VPS37A: variants seen among roughly 807,000 people sequenced by gnomAD.
VPS37A encodes the protein vacuolar protein sorting-associated protein 37A.
In VPS37A, 30 loss-of-function variants were observed where a neutral mutation model predicts 49.8. The ratio of observed to expected loss-of-function variants is 0.60; its 90% CI spans 0.45 to 0.82. VPS37A has a LOEUF of 0.82. Among genes scored for constraint, VPS37A ranks in the 40% least tolerant of loss-of-function variants. VPS37A has a pLI of 0.00. For synonymous variants in VPS37A, 195 were observed against 160.6 expected (o/e 1.21, Z -1.62); for missense variants, 593 against 464.4 (o/e 1.28, Z -2.55).
chr8:17,310,100 G>A, the VPS37A span, among the ~76,000 whole-genome samples: 77 of 152,062 alleles, frequency 5.1e-4, 1 homozygote, highest in East Asian at 8.9e-3. Context: ...TCCTGAGCTC[G>A]AGCGATCCTC....
intron 6 of VPS37A, 44 bp downstream of exon 6, chr8:17,276,511 GT>G: frequency 6.5e-7 from 1 of 1,548,138 alleles, no homozygotes. Context: ...TATTTTATTT[GT>G]AAGCATAAAC....
chr8:17,273,199 C>G (rs913297234), intron 4 of VPS37A, among the ~76,000 whole-genome samples: 2 of 151,882 alleles, frequency 1.3e-5, no homozygotes, highest in Non-Finnish European at 2.9e-5. Flanking sequence ...TTCATGTTTT[C>G]TAACCCTCCC....
the VPS37A span, among the ~76,000 whole-genome samples, chr8:17,311,319 C>T: frequency 7.4e-4 from 112 of 152,314 alleles, no homozygotes; most frequent in Non-Finnish European, 1.2e-3. Context: ...AGAAATTCAT[C>T]TCTTTATTCC....
chr8:17,261,992 G>T (rs1353245769), intron 1 of VPS37A, among the ~76,000 whole-genome samples: 1 of 152,134 alleles, frequency 6.6e-6, no homozygotes, highest in Non-Finnish European at 1.5e-5. Flanking sequence ...GCAGGGATGA[G>T]TCTCCTGCCA....
Position 17,247,513 on chromosome 8 carries a change from C to G in VPS37A, c.125+144C>G, listed in dbSNP as rs1811386433. On this transcript the variant is annotated intron_variant, in intron 1 of 11. Coordinates refer to ENST00000324849, the MANE Select transcript of VPS37A (RefSeq NM_152415.3). ...CTTGGTTGTGGGTCACACGCTTGCT[C>G]TGCCACTCCTGCCCCCTTTTACTGT... 1.7e-5 allele frequency: 19 copies of G among 1,095,294 alleles called. No individual in the cohort carries two copies. In the South Asian group the frequency reaches 2.8e-4, roughly 16 times the overall value. The allele number at this position is 1,095,294 out of a possible 1,614,324, so 67.8% of individuals were successfully genotyped here. A position where few individuals can be genotyped will look rare whatever the true frequency, so the allele number is the denominator to read the frequency against.
downstream of VPS37A, chr8:17,302,292 G>T (rs771383412): frequency 1.2e-6 from 2 of 1,611,850 alleles, no homozygotes; most frequent in South Asian, 1.1e-5. Context: ...TGGAAAGGAT[G>T]GCAAAGCGTC....
chr8:17,300,792 C>T (rs2150456804), downstream of VPS37A, among the ~76,000 whole-genome samples: 1 of 152,356 alleles, frequency 6.6e-6, no homozygotes, highest in Non-Finnish European at 1.5e-5. Context: ...CCCACAGCCC[C>T]TGGCTACTAC....
At chr8:17,322,606 G>T in the VPS37A span, among the ~76,000 whole-genome samples, 23 of 152,268 alleles carry the variant, frequency 1.5e-4, no homozygotes, top group Admixed American at 2.6e-4. Context: ...GATTGCTTGA[G>T]CCCAGGAGTT....
At chr8:17,274,223 C>T (rs1814283811) in intron 4 of VPS37A, among the ~76,000 whole-genome samples, 1 of 152,212 alleles carries the variant, frequency 6.6e-6, no homozygotes, top group Non-Finnish European at 1.5e-5. Context: ...ATATATGCAT[C>T]TGTTTTTAAT....
chr8:17,268,931 G>C lies in VPS37A; in HGVS notation c.391G>C (p.Ala131Pro). Residue 131 changes from alanine to proline, a missense_variant, in exon 4 of 12, where the codon GCT becomes CCT. By Grantham distance (27) the Ala-to-Pro change is conservative (BLOSUM62 -1). Coordinates refer to ENST00000324849, the MANE Select transcript of VPS37A (RefSeq NM_152415.3). ...GTTTTGGAAGAATCCTCCAGTTTTAGCTCCTACTTCAACAGCATTTCCTTA... is the reference window on the plus strand; with the variant it reads ...GTTTTGGAAGAATCCTCCAGTTTTACCTCCTACTTCAACAGCATTTCCTTA... Reference protein sequence around the residue: ...DEFWKNPPVLAPTSTAFPYLY... With the variant: ...DEFWKNPPVLPPTSTAFPYLY... 1 of 1,608,922 alleles carries C rather than the reference G, an allele frequency of 6.2e-7. No individual in the cohort carries two copies. The highest frequency in any genetic ancestry group is 8.5e-7 in the Non-Finnish European group (1 of 1,178,792).
chr8:17,300,612 T>A (rs1342976862), downstream of VPS37A, among the ~76,000 whole-genome samples: 2 of 152,226 alleles, frequency 1.3e-5, no homozygotes, highest in African/African-American at 4.8e-5. Flanking sequence ...TATACTGAGA[T>A]ACAATTCACT....
At position 17,297,280 on chromosome 8, in the gene VPS37A, A is replaced by T. The variant is rs570376631; in HGVS notation, c.*2294A>T. On this transcript the variant is annotated 3_prime_UTR_variant, in exon 12 of 12. Transcript: ENST00000324849. ...ATAGAAGAAAATTCTAAATCAATCAATCAGTGAGATATAAACTAAACAGAC... is the reference window on the plus strand; with the variant it reads ...ATAGAAGAAAATTCTAAATCAATCATTCAGTGAGATATAAACTAAACAGAC... The T allele has an allele frequency of 6.6e-6, 1 of 152,146 alleles. No individual in the cohort carries two copies. The highest frequency in any genetic ancestry group is 1.5e-5 in the Non-Finnish European group (1 of 67,986). The allele number at this position is 152,146 out of a possible 1,614,324, so 9.4% of individuals were successfully genotyped here. A position where few individuals can be genotyped will look rare whatever the true frequency, so the allele number is the denominator to read the frequency against.
intron 4 of VPS37A, chr8:17,272,136 TC>T (rs1387478748): frequency 4.4e-6 from 2 of 455,150 alleles, no homozygotes; most frequent in Admixed American, 4.7e-5. Context: ...AAGTTCTCCT[TC>T]CGGTGACCAT....
chr8:17,290,733 G>C (rs557529797), intron 11 of VPS37A, among the ~76,000 whole-genome samples: 4 of 152,250 alleles, frequency 2.6e-5, no homozygotes, highest in Non-Finnish European at 5.9e-5. Context: ...CTGTTGTTTG[G>C]AATAGTTTTA....
the VPS37A span, among the ~76,000 whole-genome samples, chr8:17,318,514 C>T: frequency 6.6e-6 from 1 of 152,132 alleles, no homozygotes; most frequent in Non-Finnish European, 1.5e-5. Flanking sequence ...ACGGCTCCCA[C>T]AAACATAACG....
At chr8:17,304,500 A>T (rs767295339), downstream of VPS37A, 1 of 1,613,622 alleles carries the variant, frequency 6.2e-7, no homozygotes, top group Non-Finnish European at 8.5e-7. Context: ...GCCCATAATG[A>T]GTATGTTCTT....
chr8:17,311,715 C>A, the VPS37A span: 2 of 1,596,830 alleles, frequency 1.3e-6, no homozygotes, highest in Non-Finnish European at 1.7e-6. Flanking sequence ...CCAGGTTTGA[C>A]TGTATATTTA....
chr8:17,270,341 A>C, intron 4 of VPS37A, among the ~76,000 whole-genome samples: 1 of 152,128 alleles, frequency 6.6e-6, no homozygotes, highest in South Asian at 2.1e-4. Flanking sequence ...AGTGGCGATA[A>C]CTCATTTTTG....
the VPS37A span, among the ~76,000 whole-genome samples, chr8:17,332,885 T>C: frequency 1.5e-4 from 23 of 152,240 alleles, no homozygotes; most frequent in Admixed American, 1.4e-3. Context: ...ACGGTACCAA[T>C]TTGGCAGCAA....
Sources: gnomAD v4.1 joint callset for allele counts (sites outside exome capture counted in the v4.1 genomes callset) on GRCh38, gnomAD v4.1.1 for gene constraint, MANE v1.5 for transcripts, NCBI Gene and HGNC (gene_info 2026-07-23, HGNC 2026-07-21) for gene names.